PHTF2: variants seen among roughly 807,000 people sequenced by gnomAD.
PHTF2 encodes protein PHTF2.
Under a neutral mutation model 101.2 loss-of-function variants are expected in PHTF2, and 60 were observed. The observed-to-expected ratio is 0.59, with a 90% confidence interval of 0.48 to 0.73. The LOEUF (loss-of-function observed/expected upper bound fraction) is 0.73, where lower values mean the gene tolerates loss of function less well. Ranked by LOEUF, PHTF2 falls within the 30% of genes least tolerant of loss-of-function variation. The pLI, the probability that PHTF2 is intolerant of heterozygous loss-of-function variation, is 0.00. For missense variants in PHTF2, 747 were observed against 908.7 expected (o/e 0.82, Z 2.29); for synonymous variants, 311 against 307.3 (o/e 1.01, Z -0.13).
chr7:77,892,165 C>G (rs948593837), intron 3 of PHTF2, among the ~76,000 whole-genome samples: 1 of 152,154 alleles, frequency 6.6e-6, no homozygotes, highest in Non-Finnish European at 1.5e-5. Flanking sequence ...TGGCACGCGC[C>G]TGTAGCCCCA....
intron 12 of PHTF2, among the ~76,000 whole-genome samples, chr7:77,930,013 G>A (rs1344639809): frequency 6.8e-6 from 1 of 146,628 alleles, no homozygotes; most frequent in African/African-American, 2.6e-5. Context: ...GAGTACAATG[G>A]CACGATCTTG....
chr7:77,822,263 G>T (rs1421745418), intron 1 of PHTF2, among the ~76,000 whole-genome samples: 1 of 152,148 alleles, frequency 6.6e-6, no homozygotes, highest in Non-Finnish European at 1.5e-5. Context: ...CCGATCCTGG[G>T]CCCAGGCTTT....
At chr7:77,894,724 C>T (rs1196006971) in intron 5 of PHTF2, among the ~76,000 whole-genome samples, 3 of 151,862 alleles carry the variant, frequency 2.0e-5, no homozygotes, top group Admixed American at 6.6e-5. Flanking sequence ...TATAGAAGAG[C>T]GAGAGGGGAG....
intron 3 of PHTF2, among the ~76,000 whole-genome samples, chr7:77,864,920 G>A (rs371213846): frequency 6.6e-6 from 1 of 151,760 alleles, no homozygotes; most frequent in Non-Finnish European, 1.5e-5. Flanking sequence ...TATTTCATAT[G>A]TTTCCACCTG....
chr7:77,828,123 T>C lies in PHTF2; in HGVS notation c.-35-12098T>C, dbSNP rs963070595. 2.6e-5 allele frequency among the ~76,000 whole-genome samples: 4 copies of C among 152,342 alleles called. No individual in the cohort carries two copies. The South Asian group carries it at 8.3e-4, about 32-fold the overall frequency. On this transcript the variant is annotated intron_variant, in intron 1 of 19. Transcript: ENST00000416283. Reference sequence around the variant, plus strand: ...GAACACTAATTTAGAACGTTTCTGCTGAAGACCAGTAATAACATGTCCATG... The same window carrying C: ...GAACACTAATTTAGAACGTTTCTGCCGAAGACCAGTAATAACATGTCCATG...
intron 9 of PHTF2, among the ~76,000 whole-genome samples, chr7:77,916,986 A>T (rs192914912): frequency 1.3e-5 from 2 of 152,316 alleles, no homozygotes; most frequent in East Asian, 1.9e-4. Flanking sequence ...TAGCTTTAGC[A>T]TCTATAGATT....
At position 77,912,526 on chromosome 7, in the gene PHTF2, G is replaced by C. The variant is rs1162090358; in HGVS notation, c.776+2117G>C. On this transcript the variant is annotated intron_variant, in intron 9 of 19. Transcript: ENST00000416283. ...TTTCTGGTGATAAATTGAAAAGCTGGATACTTCCGTTAAGTTATCTCTGTT... is the reference window on the plus strand; with the variant it reads ...TTTCTGGTGATAAATTGAAAAGCTGCATACTTCCGTTAAGTTATCTCTGTT... Among the ~76,000 whole-genome samples the C allele has an allele frequency of 2.0e-5, 3 of 151,908 alleles. No individual in the cohort carries two copies. The East Asian group carries it at 5.8e-4, about 29-fold the overall frequency.
intron 1 of PHTF2, among the ~76,000 whole-genome samples, chr7:77,801,458 C>T (rs2150453910): frequency 6.6e-6 from 1 of 152,278 alleles, no homozygotes; most frequent in African/African-American, 2.4e-5. Context: ...TGGTGGTATG[C>T]ACCTGTAGTC....
chr7:77,924,878 A>G (rs1248679248), intron 11 of PHTF2, among the ~76,000 whole-genome samples: 1 of 152,084 alleles, frequency 6.6e-6, no homozygotes, highest in African/African-American at 2.4e-5. Context: ...CTTTCATTTA[A>G]TCCCCGGTTT....
Position 77,895,043 on chromosome 7 carries a change from A to G in PHTF2, c.216+1050A>G, listed in dbSNP as rs551925091. The stretch of plus-strand genomic sequence containing the variant: ...GATATTGGAAGATTTTAAGCAGAAG[A>G]TTATATTTTGACAAATGTACACAGG... On this transcript the variant is annotated intron_variant, in intron 5 of 19. Coordinates refer to ENST00000416283, the Ensembl canonical transcript of PHTF2. 9 of 374,908 alleles carry G rather than the reference A, an allele frequency of 2.4e-5. No individual in the cohort carries two copies. In the East Asian group the frequency reaches 7.5e-4, roughly 31 times the overall value. 23.2% of individuals were successfully genotyped at this position (374,908 alleles called of 1,614,324 possible).
At chr7:77,862,718 T>A (rs554877066) in intron 3 of PHTF2, among the ~76,000 whole-genome samples, 9 of 152,352 alleles carry the variant, frequency 5.9e-5, no homozygotes, top group Middle Eastern at 3.4e-3. Flanking sequence ...AAAACAGAGA[T>A]GTTCATCAAT....
At chr7:77,829,710 A>G (rs1794939015) in intron 1 of PHTF2, among the ~76,000 whole-genome samples, 1 of 152,192 alleles carries the variant, frequency 6.6e-6, no homozygotes, top group African/African-American at 2.4e-5. Flanking sequence ...CAAGGTCTAA[A>G]AATTTCTTGT....
At chr7:77,903,774 C>T (rs1801607825) in intron 7 of PHTF2, among the ~76,000 whole-genome samples, 1 of 152,188 alleles carries the variant, frequency 6.6e-6, no homozygotes, top group South Asian at 2.1e-4. Flanking sequence ...CTGCCATTAC[C>T]TTTGAAAACC....
intron 1 of PHTF2, among the ~76,000 whole-genome samples, chr7:77,815,925 GT>G (rs1046609563): frequency 6.6e-6 from 1 of 151,886 alleles, no homozygotes; most frequent in East Asian, 1.9e-4. Flanking sequence ...CATTTTTGTT[GT>G]TTTTTTCCGT....
chr7:77,912,775 C>T (rs1318782180), intron 9 of PHTF2, among the ~76,000 whole-genome samples: 1 of 107,636 alleles, frequency 9.3e-6, no homozygotes, highest in Non-Finnish European at 1.7e-5. Flanking sequence ...TGCTGTAGTC[C>T]TTGGTGGAGC....
In PHTF2 at chr7:77,910,282, G is replaced by T. The variant is rs750367284; in HGVS notation, c.649G>T (p.Glu217Ter). Residue 217 changes from glutamate (E) to a stop codon, truncating the protein, a stop_gained, in exon 9 of 20, where the codon GAA (glutamate) becomes TAA (stop). Transcript: ENST00000416283. LOFTEE classifies it high-confidence loss of function. ...AGCAGCCCATTTGGAAGTACATAGGGAAGGAGATGGTTCTAGTACCACAGA... is the reference window on the plus strand; with the variant it reads ...AGCAGCCCATTTGGAAGTACATAGGTAAGGAGATGGTTCTAGTACCACAGA... 3 of 1,613,510 alleles carry T rather than the reference G, an allele frequency of 1.9e-6. No individual in the cohort carries two copies. The highest frequency in any genetic ancestry group is 1.7e-6 in the Non-Finnish European group (2 of 1,179,512).
At chr7:77,901,107 A>T (rs1004282289) in intron 6 of PHTF2, among the ~76,000 whole-genome samples, 4 of 152,148 alleles carry the variant, frequency 2.6e-5, no homozygotes, top group African/African-American at 9.7e-5. Flanking sequence ...ATCTCCTGAG[A>T]ACTCACTCAC....
intron 1 of PHTF2, among the ~76,000 whole-genome samples, chr7:77,828,369 AATTC>A (rs1794839617): frequency 6.6e-6 from 1 of 152,238 alleles, no homozygotes; most frequent in African/African-American, 2.4e-5. Context: ...AGAGTAAATT[AATTC>A]ATCTGTGGTG....
intron 3 of PHTF2, among the ~76,000 whole-genome samples, chr7:77,880,766 G>A (rs1242145509): frequency 3.9e-5 from 6 of 152,144 alleles, no homozygotes; most frequent in Non-Finnish European, 7.4e-5. Flanking sequence ...TTCAGGAGAA[G>A]CAGAGGGAAA....
Sources: gnomAD v4.1 joint callset for allele counts (sites outside exome capture counted in the v4.1 genomes callset) on GRCh38, gnomAD v4.1.1 for gene constraint, MANE v1.5 for transcripts, NCBI Gene and HGNC (gene_info 2026-07-23, HGNC 2026-07-21) for gene names.